GLOD4: variants seen among roughly 807,000 people sequenced by gnomAD.
GLOD4 encodes the protein glyoxalase domain-containing protein 4.
GLOD4 carries 44 observed loss-of-function variants against 39.1 expected under a neutral mutation model. The ratio of observed to expected loss-of-function variants is 1.13; its 90% CI spans 0.88 to 1.45. GLOD4 has a LOEUF of 1.45. GLOD4 is among the 40% of genes most tolerant of loss of function. GLOD4 has a pLI of 0.00. For missense variants in GLOD4, 405 were observed against 366.4 expected (o/e 1.11, Z -0.86); for synonymous variants, 145 against 135.0 (o/e 1.07, Z -0.52).
rs778584050 is a variant in GLOD4, at chr17:782,246, G to A, written c.10C>T (p.Arg4Cys). Residue 4 changes from arginine to cysteine, a missense_variant, in exon 1 of 9, where the codon CGC becomes TGC. Transcript: ENST00000301329. Reference protein sequence around the residue: MAARRALHFVFKVG... With the variant: MAACRALHFVFKVG... ...TTGAATACGAAGTGCAGAGCTCTGC[G>A]AGCAGCCATGATTCCCGCCGCACGC... 18 of 1,613,146 alleles carry A rather than the reference G, an allele frequency of 1.1e-5. No homozygotes were observed. The East Asian group carries it at 2.5e-4, about 22-fold the overall frequency.
upstream of GLOD4, chr17:783,186 G>A (rs1268328896): frequency 6.2e-7 from 1 of 1,614,100 alleles, no homozygotes; most frequent in Non-Finnish European, 8.5e-7. Context: ...GGCTGGAGCT[G>A]TGCCAAAAAT....
chr17:768,998 A>C (rs1193188362), intron 8 of GLOD4, among the ~76,000 whole-genome samples: 1 of 152,238 alleles, frequency 6.6e-6, no homozygotes, highest in Non-Finnish European at 1.5e-5. Context: ...TCTGGAGAGG[A>C]GATATGGGGT....
chr17:780,340 A>G (rs1909674580), intron 1 of GLOD4, among the ~76,000 whole-genome samples: 1 of 152,202 alleles, frequency 6.6e-6, no homozygotes, highest in African/African-American at 2.4e-5. Context: ...TTAGCATAGC[A>G]TTCAAGATAC....
chr17:760,073 C>A lies in GLOD4; in HGVS notation c.*100G>T, dbSNP rs904371968. 2.6e-6 allele frequency: 2 copies of A among 761,700 alleles called. No homozygotes were observed. The highest frequency in any genetic ancestry group is 1.9e-5 in the Admixed American group (1 of 52,104). 47.2% of individuals were successfully genotyped at this position (761,700 alleles called of 1,614,324 possible). A position where few individuals can be genotyped will look rare whatever the true frequency, so the allele number is the denominator to read the frequency against. ...CACTACCCAAGCCTCCTTGCCTGTA[C>A]GGGAAACAAATCAGAAGAGCATTTA... On this transcript the variant is annotated 3_prime_UTR_variant, in exon 9 of 9. Transcript: ENST00000301329.
chr17:785,826 A>G (rs552803081), upstream of GLOD4, among the ~76,000 whole-genome samples: 3 of 152,352 alleles, frequency 2.0e-5, no homozygotes, highest in South Asian at 6.2e-4. Context: ...TAGCAGGCTA[A>G]TAATTGTTTT....
At chr17:772,199 A>C (rs868203154) in intron 4 of GLOD4, among the ~76,000 whole-genome samples, 4 of 151,074 alleles carry the variant, frequency 2.6e-5, no homozygotes, top group Non-Finnish European at 5.9e-5. Context: ...AAAAAAAAAA[A>C]AAAAAAAAAA....
chr17:762,898 T>C lies in GLOD4; in HGVS notation c.832-2660A>G, dbSNP rs185473341. Among the ~76,000 whole-genome samples the C allele has an allele frequency of 1.0e-3, 159 of 152,340 alleles. 2 individuals carry two copies. Among genetic ancestry groups the C allele is most frequent in the African/African-American group, 3.7e-3 (154 of 41,576 alleles). ...TATATTAAGAATCAGAGAATGTGGCTGGGCGCGGTGGCTCACGCCTGTAAT... is the reference window on the plus strand; with the variant it reads ...TATATTAAGAATCAGAGAATGTGGCCGGGCGCGGTGGCTCACGCCTGTAAT... On this transcript the variant is annotated intron_variant, in intron 8 of 8. Transcript: ENST00000301329.
chr17:771,238 T>G, intron 5 of GLOD4, 87 bp downstream of exon 5: 1 of 753,706 alleles, frequency 1.3e-6, no homozygotes, highest in East Asian at 2.7e-5. Context: ...CATGTTAACT[T>G]CATTTATAAA....
intron 8 of GLOD4, among the ~76,000 whole-genome samples, chr17:765,963 A>G (rs1484215629): frequency 6.6e-6 from 1 of 151,612 alleles, no homozygotes; most frequent in African/African-American, 2.4e-5. Flanking sequence ...ACTCAAAAAA[A>G]AGAAAAATGG....
intron 8 of GLOD4, 21 bp downstream of exon 8, chr17:769,847 TA>T: frequency 7.3e-7 from 1 of 1,370,238 alleles, no homozygotes; most frequent in Non-Finnish European, 1.0e-6. Context: ...CATGGTGACA[TA>T]AATGTAGAAA....
rs1567791363 is a variant in GLOD4 at position 769,927 on chromosome 17, TC to T, written c.772del (p.Asp258MetfsTer59). The T allele has an allele frequency of 6.2e-7, 1 of 1,611,808 alleles. No homozygotes were observed. The highest frequency in any genetic ancestry group is 8.5e-7 in the Non-Finnish European group (1 of 1,177,968). On this transcript the variant is annotated frameshift_variant, in exon 8 of 9. Coordinates refer to ENST00000301329, the MANE Select transcript of GLOD4 (RefSeq NM_016080.4). LOFTEE classifies it high-confidence loss of function. ...CTTAGAAAGTTCTCGAAATGCTTCA[TC>T]CCCGACAAAGCAAATTTCATGTCCG... ...PDGHEICFVG[D>X]EAFRELSKMD...
At chr17:782,327 T>C (rs748053706), upstream of GLOD4, 5 of 1,611,774 alleles carry the variant, frequency 3.1e-6, no homozygotes, top group South Asian at 5.5e-5. Context: ...GGCCGTGACG[T>C]CACTAGCCGC....
chr17:763,987 A>G (rs1277892659), intron 8 of GLOD4: 2 of 152,270 alleles, frequency 1.3e-5, no homozygotes, highest in East Asian at 3.8e-4. Context: ...AGTCAAGGTA[A>G]GAGTCACGTA....
chr17:767,779 TGA>T (rs750586199), intron 8 of GLOD4, among the ~76,000 whole-genome samples: 14 of 132,682 alleles, frequency 1.1e-4, no homozygotes, highest in South Asian at 2.4e-4. Context: ...GGAGAGGATG[TGA>T]GAGAGAGAAA....
intron 4 of GLOD4, among the ~76,000 whole-genome samples, chr17:774,629 G>A (rs1908575304): frequency 6.6e-6 from 1 of 152,164 alleles, no homozygotes; most frequent in African/African-American, 2.4e-5. Flanking sequence ...AACTGACCTC[G>A]GCTCCAGAGG....
upstream of GLOD4, chr17:782,766 C>A: frequency 7.0e-7 from 1 of 1,433,980 alleles, no homozygotes; most frequent in South Asian, 1.4e-5. Context: ...AACCTCCTTC[C>A]GATGGAGGAC....
intron 8 of GLOD4, among the ~76,000 whole-genome samples, chr17:765,883 G>A (rs1465222278): frequency 6.6e-6 from 1 of 151,914 alleles, no homozygotes; most frequent in Non-Finnish European, 1.5e-5. Context: ...TTGAACCTGG[G>A]AGGCAGAGGT....
At chr17:783,382 G>A (rs1316895000), upstream of GLOD4, 4 of 1,518,594 alleles carry the variant, frequency 2.6e-6, no homozygotes, top group African/African-American at 2.8e-5. Context: ...TGTCACCCAG[G>A]CTGGAGTGCA....
Position 770,096 on chromosome 17 carries a change from C to A in GLOD4, c.692G>T (p.Ser231Ile). 3.7e-6 allele frequency: 6 copies of A among 1,613,352 alleles called. No homozygotes were observed. The South Asian group carries it at 5.5e-5, about 15-fold the overall frequency. ...TGTTGCTTTCCCTGGGGTGTCCAGG[C>A]TCACCAGGGGAGTCAGAATCTTCTG... ...ENQKILTPLV[S>I]LDTPGKATVQ... Residue 231 changes from serine (S) to isoleucine (I), a missense_variant, in exon 7 of 9, where the codon AGC (serine) becomes ATC (isoleucine). Transcript: ENST00000301329.
Sources: gnomAD v4.1 joint callset for allele counts (sites outside exome capture counted in the v4.1 genomes callset) on GRCh38, gnomAD v4.1.1 for gene constraint, MANE v1.5 for transcripts, NCBI Gene and HGNC (gene_info 2026-07-23, HGNC 2026-07-21) for gene names.